Variants in ROPN1 observed in about 807,000 individuals in gnomAD.
ROPN1 encodes rhophilin associated tail protein 1, also known as ropporin-1A.
ROPN1 carries 14 observed loss-of-function variants against 20.5 expected under a neutral mutation model. The ratio of observed to expected loss-of-function variants is 0.68; its 90% CI spans 0.45 to 1.07. ROPN1 has a LOEUF of 1.07. ROPN1 is among the 50% of genes least tolerant of loss of function. The pLI, the probability that ROPN1 is intolerant of heterozygous loss-of-function variation, is 0.00. For synonymous variants in ROPN1, 76 were observed against 95.7 expected (o/e 0.79, Z 1.20); for missense variants, 169 against 242.8 (o/e 0.70, Z 2.02).
Position 123,980,435 on chromosome 3 carries a change from T to G in ROPN1, c.47A>C (p.Lys16Thr). 6.2e-7 allele frequency: 1 copy of G among 1,614,164 alleles called. No individual in the cohort carries two copies. The highest frequency in any genetic ancestry group is 8.5e-7 in the Non-Finnish European group (1 of 1,180,004). ...KPTCIPPELP[K>T]MLKEFAKAAI... ...GGCTTTGGCAAACTCCTTCAGCATC[T>G]TCGGCAGCTCCGGCGGGATGCATGT... Residue 16 changes from lysine (K) to threonine (T), a missense_variant, in exon 2 of 6, where the codon AAG becomes ACG. By Grantham distance (78) the Lys-to-Thr change is moderately conservative. This residue lies in a region of ROPN1 where 84 missense variants were observed against 99.3 expected (regional missense o/e 0.85). Coordinates refer to ENST00000405845, the MANE Select transcript of ROPN1 (RefSeq NM_001317774.2).
At chr3:123,970,880 T>C (rs747519246) in intron 4 of ROPN1, among the ~76,000 whole-genome samples, 2 of 152,202 alleles carry the variant, frequency 1.3e-5, no homozygotes, top group African/African-American at 2.4e-5. Context: ...GAAGGGTTAC[T>C]ACAGAAGCAA....
rs1278158486 is a variant in ROPN1, at chr3:123,991,911, G to A, written c.-13+11C>T. ...CCCTGCCCTCCCTCCACTTCCCCTC[G>A]GGGTGGCTACCTCAGGCTCGCTCCC... On this transcript the variant is annotated intron_variant, in intron 1 of 5. Coordinates refer to ENST00000405845, the MANE Select transcript of ROPN1 (RefSeq NM_001317774.2). 7.5e-6 allele frequency: 1 copy of A among 133,980 alleles called. No homozygotes were observed. Among genetic ancestry groups the A allele is most frequent in the African/African-American group, 2.6e-5 (1 of 38,662 alleles). The allele number at this position is 133,980 out of a possible 1,614,324, so 8.3% of individuals were successfully genotyped here. A position where few individuals can be genotyped will look rare whatever the true frequency, so the allele number is the denominator to read the frequency against.
chr3:123,973,469 G>A (rs1281278098), intron 4 of ROPN1, among the ~76,000 whole-genome samples: 1 of 152,156 alleles, frequency 6.6e-6, no homozygotes, highest in Non-Finnish European at 1.5e-5. Flanking sequence ...AGAGGTAGAT[G>A]AACCTCATGG....
At chr3:123,984,139 C>T (rs1050386263) in intron 1 of ROPN1, among the ~76,000 whole-genome samples, 6 of 152,188 alleles carry the variant, frequency 3.9e-5, no homozygotes, top group Non-Finnish European at 8.8e-5. Context: ...AGGTCTTCAG[C>T]ATTCTTTCTG....
chr3:123,976,798 T>C (rs1431577091), intron 3 of ROPN1, 66 bp downstream of exon 3: 7 of 1,515,384 alleles, frequency 4.6e-6, no homozygotes, highest in South Asian at 2.5e-5. Context: ...GAGGGCTTTT[T>C]GTCTGTACCC....
chr3:123,982,477 A>G (rs1353470967), intron 1 of ROPN1, among the ~76,000 whole-genome samples: 2 of 152,134 alleles, frequency 1.3e-5, no homozygotes, highest in Admixed American at 1.3e-4. Context: ...GGGAAATACA[A>G]CAAGGGTCTC....
At chr3:123,979,247 G>A in intron 2 of ROPN1, 1 of 352,054 alleles carries the variant, frequency 2.8e-6, no homozygotes. Flanking sequence ...GACTCCGAAA[G>A]GCCCCTCTTA....
At chr3:123,981,586 C>T (rs1259569250) in intron 1 of ROPN1, among the ~76,000 whole-genome samples, 11 of 152,184 alleles carry the variant, frequency 7.2e-5, no homozygotes, top group Non-Finnish European at 1.5e-5. Flanking sequence ...GGGTAAGCAA[C>T]AAAGAAACCT....
intron 1 of ROPN1, among the ~76,000 whole-genome samples, chr3:123,987,884 G>T (rs899223408): frequency 7.2e-5 from 11 of 152,048 alleles, no homozygotes; most frequent in Admixed American, 6.5e-4. Flanking sequence ...ACCTCTTTTG[G>T]TTTATCTAAG....
At chr3:123,980,793 A>C in intron 1 of ROPN1, 1 of 289,008 alleles carries the variant, frequency 3.5e-6, no homozygotes, top group Non-Finnish European at 6.4e-6. Flanking sequence ...TCACCCCCCA[A>C]AATCCAGAAT....
intron 1 of ROPN1, chr3:123,981,441 G>C (rs1171740323): frequency 6.5e-6 from 1 of 153,664 alleles, no homozygotes; most frequent in Non-Finnish European, 1.5e-5. Context: ...AGGGTGGATA[G>C]AGACCAAGGA....
chr3:123,973,562 G>A (rs114478796), intron 4 of ROPN1, among the ~76,000 whole-genome samples: 3 of 151,884 alleles, frequency 2.0e-5, no homozygotes, highest in Non-Finnish European at 4.4e-5. Flanking sequence ...CAGTTTGGGA[G>A]GCAGGTACAT....
chr3:123,987,039 T>A (rs1279443159), intron 1 of ROPN1, among the ~76,000 whole-genome samples: 1 of 152,166 alleles, frequency 6.6e-6, no homozygotes, highest in Non-Finnish European at 1.5e-5. Flanking sequence ...AGCTAAAGTC[T>A]CTTATTGGAG....
Position 123,970,137 on chromosome 3 carries a change from G to T in ROPN1, c.477C>A (p.Ser159Arg), listed in dbSNP as rs1443668318. 6.2e-7 allele frequency: 1 copy of T among 1,614,032 alleles called. No homozygotes were observed. The highest frequency in any genetic ancestry group is 8.5e-7 in the Non-Finnish European group (1 of 1,180,008). Residue 159 changes from serine to arginine, a missense_variant, in exon 5 of 6, where the codon AGC (serine) becomes AGA (arginine). Physicochemically the swap from Ser to Arg is moderately radical, Grantham distance 110. Transcript: ENST00000405845. ...HNGGSPRIPF[S>R]TFQFLYTYIA... ...TATACGTGTAGAGAAACTGGAAGGT[G>T]CTGAACGGGATCCGGGGCGACCCAC...
chr3:123,987,854 TA>T (rs2038301780), intron 1 of ROPN1, among the ~76,000 whole-genome samples: 1 of 152,240 alleles, frequency 6.6e-6, no homozygotes, highest in African/African-American at 2.4e-5. Context: ...ACATGTTTAT[TA>T]TTTAACAAAT....
intron 4 of ROPN1, among the ~76,000 whole-genome samples, chr3:123,973,801 GT>G (rs2037960362): frequency 6.6e-6 from 1 of 152,210 alleles, no homozygotes; most frequent in African/African-American, 2.4e-5. Flanking sequence ...AAATGAGCCA[GT>G]TGGGGAGGCA....
intron 1 of ROPN1, among the ~76,000 whole-genome samples, chr3:123,989,066 T>C (rs56029765): frequency 0.091 from 13,845 of 152,132 alleles, 760 homozygotes; most frequent in Non-Finnish European, 0.14. Context: ...CTGCAAGCCC[T>C]CAGAAGACAG....
intron 4 of ROPN1, among the ~76,000 whole-genome samples, chr3:123,971,162 G>T (rs552694808): frequency 3.9e-5 from 6 of 152,248 alleles, no homozygotes; most frequent in Non-Finnish European, 7.3e-5. Context: ...GAGGAGACTT[G>T]TCCTGCCTTA....
intron 4 of ROPN1, among the ~76,000 whole-genome samples, chr3:123,972,167 T>C (rs1458179205): frequency 1.3e-5 from 2 of 152,232 alleles, no homozygotes; most frequent in Non-Finnish European, 2.9e-5. Flanking sequence ...ATAGCGGCTT[T>C]CAACCCTAAA....
Sources: gnomAD v4.1 joint callset for allele counts (sites outside exome capture counted in the v4.1 genomes callset) on GRCh38, gnomAD v4.1.1 for gene constraint, gnomAD v4.1.1 regional missense constraint, MANE v1.5 for transcripts, NCBI Gene and HGNC (gene_info 2026-07-23, HGNC 2026-07-21) for gene names.